TCEA1: variants seen among roughly 807,000 people sequenced by gnomAD.
TCEA1 encodes the protein transcription elongation factor A1.
A neutral mutation model predicts 43.8 loss-of-function variants in TCEA1; 21 were observed. The observed-to-expected ratio is 0.48, with a 90% confidence interval of 0.34 to 0.69. The LOEUF (loss-of-function observed/expected upper bound fraction) is 0.69. Ranked by LOEUF, TCEA1 falls within the 30% of genes least tolerant of loss-of-function variation. The pLI, the probability that TCEA1 is intolerant of heterozygous loss-of-function variation, is 0.01. For missense variants in TCEA1, 250 were observed against 365.1 expected (o/e 0.68, Z 2.57); for synonymous variants, 104 against 117.5 (o/e 0.88, Z 0.75).
At chr8:53,992,060 C>T (rs557005715) in intron 4 of TCEA1, among the ~76,000 whole-genome samples, 2 of 152,174 alleles carry the variant, frequency 1.3e-5, no homozygotes, top group South Asian at 4.1e-4. Context: ...GCCTATAATC[C>T]CAGCACTTTG....
intron 9 of TCEA1, among the ~76,000 whole-genome samples, chr8:53,968,368 A>G (rs1276059017): frequency 8.2e-6 from 1 of 121,714 alleles, no homozygotes; most frequent in Non-Finnish European, 1.5e-5. Flanking sequence ...TAATGTTTTT[A>G]AGGTTAAAAA....
At chr8:53,973,869 A>T (rs944354729) in intron 8 of TCEA1, 1 of 342,178 alleles carries the variant, frequency 2.9e-6, no homozygotes, top group Non-Finnish European at 5.6e-6. Context: ...ACAAGAACTT[A>T]CTCAGGCAAT....
chr8:53,972,875 T>A (rs1803200913), intron 8 of TCEA1: 5 of 704,370 alleles, frequency 7.1e-6, no homozygotes, highest in Admixed American at 5.5e-5. Context: ...TTATACCAGA[T>A]GATACTACTT....
chr8:54,013,680 C>CAAAAAAAAAAAAAAAA (rs5891511), intron 1 of TCEA1, among the ~76,000 whole-genome samples: 6 of 65,296 alleles, frequency 9.2e-5, no homozygotes, highest in Admixed American at 4.6e-4. Context: ...AACTCCATCT[C>CAAAAAAAAAAAAAAAA]AAAAAAAAAA....
chr8:54,016,403 G>A (rs1020454288), intron 1 of TCEA1, among the ~76,000 whole-genome samples: 5 of 152,198 alleles, frequency 3.3e-5, no homozygotes, highest in African/African-American at 7.2e-5. Flanking sequence ...CCCGGGAGGC[G>A]GAGCTTACAG....
At chr8:53,999,854 A>G (rs1767436594) in intron 3 of TCEA1, 91 bp downstream of exon 3, 1 of 898,984 alleles carries the variant, frequency 1.1e-6, no homozygotes, top group African/African-American at 1.7e-5. Context: ...TAAGAAAAAA[A>G]TGTAACCATT....
chr8:53,973,223 C>A, intron 8 of TCEA1: 1 of 464,608 alleles, frequency 2.2e-6, no homozygotes, highest in Non-Finnish European at 4.0e-6. Flanking sequence ...GCAGGTTATT[C>A]AAGAAAAAGA....
chr8:54,016,925 G>C (rs1348933712), intron 1 of TCEA1, among the ~76,000 whole-genome samples: 1 of 137,904 alleles, frequency 7.3e-6, no homozygotes, highest in African/African-American at 2.7e-5. Context: ...AGTGAGCCGA[G>C]ATCGCGCCAC....
At chr8:53,979,483 C>T (rs760766675) in intron 7 of TCEA1, among the ~76,000 whole-genome samples, 1 of 152,218 alleles carries the variant, frequency 6.6e-6, no homozygotes, top group Non-Finnish European at 1.5e-5. Flanking sequence ...CTTCTAGTGT[C>T]ACAGGCTGGC....
At chr8:53,991,417 G>T (rs1363945075) in intron 4 of TCEA1, among the ~76,000 whole-genome samples, 1 of 148,432 alleles carries the variant, frequency 6.7e-6, no homozygotes. Context: ...AAACAAGGCT[G>T]GGCGCGGTGG....
intron 3 of TCEA1, among the ~76,000 whole-genome samples, chr8:53,999,054 T>C (rs746813229): frequency 9.2e-5 from 14 of 151,646 alleles, no homozygotes; most frequent in Admixed American, 1.3e-4. Flanking sequence ...CGGTGAAACC[T>C]CGTCTCTACT....
chr8:54,013,068 G>C (rs1019854040), intron 1 of TCEA1, among the ~76,000 whole-genome samples: 1 of 150,122 alleles, frequency 6.7e-6, no homozygotes, highest in African/African-American at 2.5e-5. Context: ...TTCTGACCAA[G>C]AATCTCTTAA....
chr8:53,985,296 C>T (rs556215242), intron 6 of TCEA1, among the ~76,000 whole-genome samples: 10 of 152,276 alleles, frequency 6.6e-5, no homozygotes, highest in Admixed American at 4.6e-4. Context: ...GGATTATAGG[C>T]GTGAGCCACC....
At chr8:54,000,855 G>A (rs1804233831) in intron 2 of TCEA1, among the ~76,000 whole-genome samples, 1 of 151,158 alleles carries the variant, frequency 6.6e-6, no homozygotes. Flanking sequence ...CCACCTCCTG[G>A]TTCAAGCAAT....
chr8:53,985,173 T>A (rs10102726), intron 6 of TCEA1, among the ~76,000 whole-genome samples: 2 of 151,874 alleles, frequency 1.3e-5, no homozygotes, highest in African/African-American at 2.4e-5. Context: ...CCTGCCACCA[T>A]GCCCGGCTAA....
intron 4 of TCEA1, among the ~76,000 whole-genome samples, chr8:53,991,421 G>A (rs997566878): frequency 6.6e-6 from 1 of 150,582 alleles, no homozygotes; most frequent in African/African-American, 2.5e-5. Flanking sequence ...AAGGCTGGGC[G>A]CGGTGGCTCA....
chr8:54,008,872 CAG>C (rs1423114069), intron 2 of TCEA1, among the ~76,000 whole-genome samples: 2 of 143,598 alleles, frequency 1.4e-5, no homozygotes, highest in East Asian at 2.0e-4. Flanking sequence ...TTTTTTGAGA[CAG>C]AGTCTCACTT....
chr8:53,968,385 A>T (rs1476506144), intron 9 of TCEA1, among the ~76,000 whole-genome samples: 3 of 150,904 alleles, frequency 2.0e-5, no homozygotes, highest in Non-Finnish European at 4.4e-5. Flanking sequence ...AAAAAAAAAA[A>T]ATAACAATTC....
intron 1 of TCEA1, 131 bp downstream of exon 1, chr8:54,021,931 CG>C (rs1460781908): frequency 2.4e-5 from 21 of 874,040 alleles, no homozygotes; most frequent in Middle Eastern, 3.9e-4. Flanking sequence ...CCCGGGGACG[CG>C]GGCGCGGCGG....
Sources: allele counts gnomAD v4.1 joint callset (sites outside exome capture counted in the v4.1 genomes callset), GRCh38; gene constraint gnomAD v4.1.1; transcripts MANE v1.5; gene names NCBI Gene and HGNC (gene_info 2026-07-23, HGNC 2026-07-21).